Variants in NLRP8 observed in about 807,000 individuals in gnomAD.
NLRP8 encodes NACHT, LRR and PYD domains-containing protein 8.
A neutral mutation model predicts 88.7 loss-of-function variants in NLRP8; 86 were observed. The observed-to-expected ratio is 0.97, with a 90% CI of 0.81 to 1.16. The LOEUF (loss-of-function observed/expected upper bound fraction) is 1.16, where lower values mean the gene tolerates loss of function less well. NLRP8 is among the 50% of genes most tolerant of loss of function. The pLI, the probability that NLRP8 is intolerant of heterozygous loss-of-function variation, is 0.00. For synonymous variants in NLRP8, 504 were observed against 494.6 expected, an observed-to-expected ratio of 1.02 and a Z score of -0.25; for missense variants, 1,342 against 1,286.5, an observed-to-expected ratio of 1.04 and a Z score of -0.66.
At chr19:55,987,624 G>A (rs1224210084) in intron 9 of NLRP8, among the ~76,000 whole-genome samples, 1 of 152,180 alleles carries the variant, frequency 6.6e-6, no homozygotes, top group Non-Finnish European at 1.5e-5. Flanking sequence ...ATCATTCAAA[G>A]CTGGGTCTGA....
At chr19:55,984,770 G>A (rs967825814) in intron 9 of NLRP8, among the ~76,000 whole-genome samples, 4 of 151,658 alleles carry the variant, frequency 2.6e-5, no homozygotes, top group Non-Finnish European at 4.4e-5. Context: ...CCAGGAGTTC[G>A]AGGCTGCAGT....
At chr19:55,974,564 G>A (rs1364668229) in intron 7 of NLRP8, among the ~76,000 whole-genome samples, 4 of 151,806 alleles carry the variant, frequency 2.6e-5, no homozygotes, top group Non-Finnish European at 4.4e-5. Context: ...GTGAAACCCC[G>A]TCTCTACTAA....
At chr19:55,985,455 C>T (rs376609087) in intron 9 of NLRP8, among the ~76,000 whole-genome samples, 1 of 152,060 alleles carries the variant, frequency 6.6e-6, no homozygotes, top group East Asian at 1.9e-4. Flanking sequence ...AACATGATCA[C>T]GTGACTTCTG....
chr19:55,952,634 G>A (rs1979147164), intron 2 of NLRP8, 22 bp downstream of exon 2: 2 of 1,603,496 alleles, frequency 1.2e-6, no homozygotes, highest in South Asian at 2.2e-5. Context: ...TATCACAGCA[G>A]ACCCTGGTGA....
At chr19:55,949,709 A>G (rs1241375367) in intron 1 of NLRP8, among the ~76,000 whole-genome samples, 2 of 148,938 alleles carry the variant, frequency 1.3e-5, no homozygotes, top group Non-Finnish European at 3.0e-5. Context: ...GCCTCTCCCA[A>G]TAGCTGATAT....
intron 7 of NLRP8, among the ~76,000 whole-genome samples, chr19:55,975,586 G>T (rs994767391): frequency 1.3e-5 from 2 of 152,176 alleles, no homozygotes; most frequent in Non-Finnish European, 2.9e-5. Context: ...TCACGCAATG[G>T]AATGTTATTT....
intron 4 of NLRP8, 39 bp from the exon 5 acceptor site, chr19:55,966,174 A>G (rs970488540): frequency 3.1e-6 from 5 of 1,598,252 alleles, no homozygotes; most frequent in African/African-American, 2.7e-5. Flanking sequence ...ACGACTGTGG[A>G]CGGGACCCTA....
chr19:55,962,976 T>C (rs1014871448), intron 4 of NLRP8, among the ~76,000 whole-genome samples: 1 of 152,066 alleles, frequency 6.6e-6, no homozygotes, highest in African/African-American at 2.4e-5. Flanking sequence ...CTGAGTATGG[T>C]TCACCGCTGC....
At chr19:55,960,774 A>T (rs74702653) in intron 3 of NLRP8, among the ~76,000 whole-genome samples, 7,864 of 152,066 alleles carry the variant, frequency 0.052, 209 homozygotes, top group South Asian at 0.072. Context: ...TTTTCATCTC[A>T]TGTGTCTTGG....
rs1247941715 is a variant in NLRP8 at position 55,954,601 on chromosome 19, T to A, written c.543T>A (p.Gly181=). 2 of 1,614,134 alleles carry A rather than the reference T, an allele frequency of 1.2e-6. No individual in the cohort carries two copies. Among genetic ancestry groups the A allele is most frequent in the Admixed American group, 3.3e-5 (2 of 60,008 alleles). Residue 181 remains glycine, a synonymous_variant, in exon 3 of 10, where the codon GGT becomes GGA. Coordinates refer to ENST00000291971, the MANE Select transcript of NLRP8 (RefSeq NM_176811.2). Reference sequence around the variant, plus strand: ...ACCAGAGGGACTTCTTCTACCAAGGTGTACACAGGCACGAGGAGTACTTAC... The same window carrying A: ...ACCAGAGGGACTTCTTCTACCAAGGAGTACACAGGCACGAGGAGTACTTAC...
intron 6 of NLRP8, 123 bp downstream of exon 6, chr19:55,970,819 T>C: frequency 8.0e-7 from 1 of 1,245,568 alleles, no homozygotes; most frequent in Non-Finnish European, 1.1e-6. Flanking sequence ...AACATAAGTC[T>C]TGTGATTGAT....
At chr19:55,976,362 A>G in intron 8 of NLRP8, 59 bp downstream of exon 8, 2 of 1,392,068 alleles carry the variant, frequency 1.4e-6, no homozygotes, top group Non-Finnish European at 9.6e-7. Context: ...AGCGTCTCTC[A>G]GGATGGAATA....
intron 9 of NLRP8, among the ~76,000 whole-genome samples, chr19:55,986,624 A>G (rs1010137994): frequency 2.6e-5 from 4 of 152,232 alleles, no homozygotes; most frequent in Non-Finnish European, 2.9e-5. Flanking sequence ...TGGTGCACAC[A>G]GGTGCAGAAA....
rs371115323 is a variant in NLRP8 at position 55,971,764 on chromosome 19, C to T, written c.2534+1068C>T. Among the ~76,000 whole-genome samples, 5 of 152,036 alleles carry T rather than the reference C, an allele frequency of 3.3e-5. No homozygotes were observed. The East Asian group carries it at 5.8e-4, about 18-fold the overall frequency. ...TTAGTAGGTTTGTTTCCAGAGTGTA[C>T]GAATTGGCCAGAGCAATGGGTATGA... On this transcript the variant is annotated intron_variant, in intron 6 of 9. Coordinates refer to ENST00000291971, the MANE Select transcript of NLRP8 (RefSeq NM_176811.2).
chr19:55,983,892 T>G (rs968963357), intron 9 of NLRP8, among the ~76,000 whole-genome samples: 17 of 151,140 alleles, frequency 1.1e-4, no homozygotes, highest in African/African-American at 4.1e-4. Flanking sequence ...CTTGGCAAAC[T>G]TGGAACCGAT....
intron 3 of NLRP8, among the ~76,000 whole-genome samples, 172 bp downstream of exon 3, chr19:55,956,272 G>A: frequency 6.6e-6 from 1 of 152,182 alleles, no homozygotes; most frequent in Middle Eastern, 3.4e-3. Flanking sequence ...GAGACAGAGT[G>A]TCACTCTGTT....
At position 55,955,745 on chromosome 19, in the gene NLRP8, C is replaced by T; in HGVS notation, c.1687C>T (p.Leu563=). The change falls in exon 3 of 10, where the codon CTG becomes TTG. Residue 563 remains leucine, a synonymous_variant. Coordinates refer to ENST00000291971, the MANE Select transcript of NLRP8 (RefSeq NM_176811.2). ...CATGGGACTTTTCTTATTCGGTTTT[C>T]TGAACGAGGCCTGCGCTTCGGCCGT... is the stretch of plus-strand genomic sequence containing the variant. 1 of 1,614,136 alleles carries T rather than the reference C, an allele frequency of 6.2e-7. No individual in the cohort carries two copies. The highest frequency in any genetic ancestry group is 1.1e-5 in the South Asian group (1 of 91,084).
At chr19:55,969,313 T>C (rs1979974998) in intron 5 of NLRP8, among the ~76,000 whole-genome samples, 1 of 152,164 alleles carries the variant, frequency 6.6e-6, no homozygotes, top group Admixed American at 6.6e-5. Flanking sequence ...TCTTATGCCT[T>C]TGCATCATCA....
chr19:55,982,550 G>A (rs1040555804), intron 9 of NLRP8, among the ~76,000 whole-genome samples: 11 of 152,226 alleles, frequency 7.2e-5, no homozygotes, highest in African/African-American at 2.7e-4. Flanking sequence ...CTCATTAAAG[G>A]AACCAAGAAT....
Sources: gnomAD v4.1 joint callset for allele counts (sites outside exome capture counted in the v4.1 genomes callset) on GRCh38, gnomAD v4.1.1 for gene constraint, MANE v1.5 for transcripts, NCBI Gene and HGNC (gene_info 2026-07-23, HGNC 2026-07-21) for gene names.